The following GRIK3 variants were observed in gnomAD, a reference collection of about 807,000 sequenced individuals.
The protein encoded by GRIK3 is glutamate ionotropic receptor kainate type subunit 3.
Under a neutral mutation model 102.5 loss-of-function variants are expected in GRIK3, and 29 were observed. The ratio of observed to expected loss-of-function variants is 0.28; its 90% CI spans 0.21 to 0.39. The LOEUF is 0.39. GRIK3 is among the 10% of genes least tolerant of loss of function. The pLI is 1.00. For synonymous variants in GRIK3, 511 were observed against 504.9 expected, an observed-to-expected ratio of 1.01 and a Z score of -0.16; for missense variants, 908 against 1,252.4, an observed-to-expected ratio of 0.73 and a Z score of 4.15.
At chr1:36,805,484 C>T (rs573615366) in intron 14 of GRIK3, among the ~76,000 whole-genome samples, 35 of 152,330 alleles carry the variant, frequency 2.3e-4, no homozygotes, top group African/African-American at 8.2e-4. Flanking sequence ...GTCCCAGTGC[C>T]CCTGAGCTGC....
intron 1 of GRIK3, among the ~76,000 whole-genome samples, chr1:37,022,147 C>T (rs770952771): frequency 3.4e-4 from 52 of 152,250 alleles, no homozygotes; most frequent in Middle Eastern, 3.2e-3. Flanking sequence ...CTGCTTTACA[C>T]CAAGCTGTCA....
At chr1:36,947,749 C>T (rs558740224) in intron 1 of GRIK3, among the ~76,000 whole-genome samples, 6 of 152,186 alleles carry the variant, frequency 3.9e-5, no homozygotes, top group South Asian at 2.1e-4. Context: ...ATCCTCCTGC[C>T]CCCCCATGAA....
chr1:36,801,870 A>G lies in GRIK3; in HGVS notation c.2741T>C (p.Leu914Ser). 2 of 1,609,642 alleles carry G rather than the reference A, an allele frequency of 1.2e-6. No individual in the cohort carries two copies. The highest frequency in any genetic ancestry group is 8.5e-7 in the Non-Finnish European group (1 of 1,177,752). The change falls in exon 16 of 16, where the codon TTA (leucine) becomes TCA (serine). Residue 914 changes from leucine to serine, a missense_variant. By Grantham distance (145) the Leu-to-Ser change is moderately radical. Coordinates refer to ENST00000373091, the MANE Select transcript of GRIK3 (RefSeq NM_000831.4). ...CTGTGCCTAGGGGAACACAGGGGCT[A>G]AGGATGTGCTGCAGGCCATGCTGTC... ...GKDSMACSTS[L>S]APVFP
intron 1 of GRIK3, among the ~76,000 whole-genome samples, chr1:36,935,130 C>A (rs1159218663): frequency 6.6e-6 from 1 of 152,186 alleles, no homozygotes; most frequent in East Asian, 1.9e-4. Context: ...GTTGCCCCTA[C>A]CATTTGTAAG....
At position 36,959,272 on chromosome 1, in the gene GRIK3, G is replaced by A. The variant is rs533304334; in HGVS notation, c.116-68176C>T. 8.6e-5 allele frequency among the ~76,000 whole-genome samples: 9 copies of A among 104,180 alleles called. 1 individual carries two copies. The highest frequency in any genetic ancestry group is 7.3e-4 in the South Asian group (2 of 2,744). The allele number at this position is 104,180 out of a possible 152,430, so 68.3% of individuals were successfully genotyped here. On this transcript the variant is annotated intron_variant, in intron 1 of 15. Transcript: ENST00000373091. ...TGTGTGTCCGGTAAGTCTGTGCCCCGTGAGCCTGTGCCTGTGAGCCTGTGC... is the reference window on the plus strand; with the variant it reads ...TGTGTGTCCGGTAAGTCTGTGCCCCATGAGCCTGTGCCTGTGAGCCTGTGC...
chr1:37,031,193 C>T (rs1642823951), intron 1 of GRIK3, among the ~76,000 whole-genome samples: 3 of 152,202 alleles, frequency 2.0e-5, no homozygotes, highest in African/African-American at 7.2e-5. Context: ...ATTTGATAAT[C>T]ATACATAGAA....
At chr1:36,824,055 C>T (rs1399001994) in intron 11 of GRIK3, among the ~76,000 whole-genome samples, 2 of 152,140 alleles carry the variant, frequency 1.3e-5, no homozygotes, top group African/African-American at 2.4e-5. Context: ...TTGTCCCTCT[C>T]CTCTCTTCTC....
intron 1 of GRIK3, among the ~76,000 whole-genome samples, chr1:36,925,285 A>G (rs1641515340): frequency 1.3e-5 from 2 of 152,216 alleles, no homozygotes; most frequent in South Asian, 4.1e-4. Flanking sequence ...CACACGGCAC[A>G]CACACATTGC....
intron 13 of GRIK3, among the ~76,000 whole-genome samples, chr1:36,808,736 G>A (rs1293378953): frequency 1.3e-5 from 2 of 152,228 alleles, no homozygotes; most frequent in Non-Finnish European, 2.9e-5. Flanking sequence ...TGACCCACAA[G>A]CTGTGAGATA....
Position 36,859,877 on chromosome 1 carries a change from C to G in GRIK3, c.927G>C (p.Arg309=), listed in dbSNP as rs1179279755. Reference sequence around the variant, plus strand: ...CTCCATCCAGCAGGCCAGACTCGGACCGGGGAGCTGCCTGCAGCCGCTCCA... The same window carrying G: ...CTCCATCCAGCAGGCCAGACTCGGAGCGGGGAGCTGCCTGCAGCCGCTCCA... The part of the protein sequence containing the change: ...WSMERLQAAP[R]SESGLLDGVM... The change falls in exon 6 of 16, where the codon CGG becomes CGC. Residue 309 remains arginine, a synonymous_variant. Coordinates refer to ENST00000373091, the MANE Select transcript of GRIK3 (RefSeq NM_000831.4). 6.2e-7 allele frequency: 1 copy of G among 1,614,030 alleles called. No homozygotes were observed. Among genetic ancestry groups the G allele is most frequent in the Admixed American group, 1.7e-5 (1 of 60,022 alleles).
chr1:37,012,693 C>T (rs1293367651), intron 1 of GRIK3, among the ~76,000 whole-genome samples: 4 of 152,164 alleles, frequency 2.6e-5, no homozygotes, highest in Admixed American at 6.6e-5. Flanking sequence ...AGCAACTAAA[C>T]GCTAAAGGAA....
chr1:36,948,445 A>C (rs544554867), intron 1 of GRIK3, among the ~76,000 whole-genome samples: 6 of 152,090 alleles, frequency 3.9e-5, no homozygotes, highest in Non-Finnish European at 5.9e-5. Context: ...TGGAGGGGGA[A>C]CCTATGTGCC....
intron 9 of GRIK3, 86 bp from the exon 10 acceptor site, chr1:36,842,025 T>C (rs1640459941): frequency 9.2e-7 from 1 of 1,082,884 alleles, no homozygotes; most frequent in South Asian, 1.3e-5. Context: ...GGCTAGGACC[T>C]CTGCTCATGT....
At chr1:36,852,973 C>T (rs1640602910) in intron 8 of GRIK3, among the ~76,000 whole-genome samples, 1 of 152,216 alleles carries the variant, frequency 6.6e-6, no homozygotes, top group African/African-American at 2.4e-5. Flanking sequence ...TAAAACATCT[C>T]TATGTTAGCC....
intron 13 of GRIK3, among the ~76,000 whole-genome samples, chr1:36,811,780 T>C (rs1047238228): frequency 6.6e-6 from 1 of 152,218 alleles, no homozygotes; most frequent in Admixed American, 6.5e-5. Context: ...AGTCCTCCTG[T>C]ATGCCTGGCT....
At chr1:37,001,264 T>G (rs1011231682) in intron 1 of GRIK3, among the ~76,000 whole-genome samples, 11 of 152,234 alleles carry the variant, frequency 7.2e-5, no homozygotes, top group Non-Finnish European at 1.3e-4. Flanking sequence ...AAGTGGTCCT[T>G]CATCTGCCTA....
At chr1:36,936,301 T>A (rs1641656836) in intron 1 of GRIK3, among the ~76,000 whole-genome samples, 1 of 152,062 alleles carries the variant, frequency 6.6e-6, no homozygotes, top group Non-Finnish European at 1.5e-5. Context: ...CACTAATGGG[T>A]TTCATGAGGT....
At chr1:36,843,175 C>T (rs1640480368) in intron 9 of GRIK3, among the ~76,000 whole-genome samples, 1 of 152,160 alleles carries the variant, frequency 6.6e-6, no homozygotes, top group African/African-American at 2.4e-5. Context: ...TTCATCCAGT[C>T]GAGATATGCA....
intron 1 of GRIK3, among the ~76,000 whole-genome samples, chr1:36,916,171 G>T (rs577494076): frequency 6.6e-6 from 1 of 152,294 alleles, no homozygotes; most frequent in East Asian, 1.9e-4. Flanking sequence ...GCAGCATTTT[G>T]CCCCTGCCCT....
Sources: allele counts gnomAD v4.1 joint callset (sites outside exome capture counted in the v4.1 genomes callset), GRCh38; gene constraint gnomAD v4.1.1; transcripts MANE v1.5; gene names NCBI Gene and HGNC (gene_info 2026-07-23, HGNC 2026-07-21).